Variants in PPP2R2B observed in about 807,000 individuals in gnomAD.
PPP2R2B encodes the protein serine/threonine-protein phosphatase 2A 55 kDa regulatory subunit B beta isoform.
PPP2R2B carries 5 observed loss-of-function variants against 46.0 expected under a neutral mutation model. That is an observed-to-expected ratio of 0.11 (90% CI 0.06 to 0.23). The LOEUF is 0.23. Among genes scored for constraint, PPP2R2B ranks in the 10% least tolerant of loss-of-function variants. PPP2R2B has a pLI of 1.00. For missense variants in PPP2R2B, 367 were observed against 575.0 expected, an observed-to-expected ratio of 0.64 and a Z score of 3.70; for synonymous variants, 215 against 206.7, an observed-to-expected ratio of 1.04 and a Z score of -0.34.
At chr5:146,618,775 G>A (rs1456238224) in intron 7 of PPP2R2B, among the ~76,000 whole-genome samples, 1 of 152,142 alleles carries the variant, frequency 6.6e-6, no homozygotes, top group African/African-American at 2.4e-5. Flanking sequence ...TGCTGGTGCT[G>A]TACACCCATA....
At chr5:146,967,365 A>T (rs1582514858) in intron 1 of PPP2R2B, among the ~76,000 whole-genome samples, 2 of 152,176 alleles carry the variant, frequency 1.3e-5, no homozygotes, top group South Asian at 2.1e-4. Flanking sequence ...TGAAGATTTT[A>T]TTATGTGCCA....
At chr5:146,943,216 G>A (rs1582471001) in intron 1 of PPP2R2B, among the ~76,000 whole-genome samples, 1 of 152,118 alleles carries the variant, frequency 6.6e-6, no homozygotes, top group Non-Finnish European at 1.5e-5. Context: ...ATTGAACTGA[G>A]TTTTATTTCT....
At chr5:146,832,569 T>C (rs1309012559) in intron 2 of PPP2R2B, among the ~76,000 whole-genome samples, 1 of 151,854 alleles carries the variant, frequency 6.6e-6, no homozygotes, top group Non-Finnish European at 1.5e-5. Flanking sequence ...TTTTTTTGTA[T>C]TTTTAGTAGA....
At chr5:146,873,199 C>T (rs1239161245) in intron 2 of PPP2R2B, among the ~76,000 whole-genome samples, 1 of 152,176 alleles carries the variant, frequency 6.6e-6, no homozygotes, top group Non-Finnish European at 1.5e-5. Context: ...CATCTGCACC[C>T]AATCATAGTA....
intron 2 of PPP2R2B, among the ~76,000 whole-genome samples, chr5:146,776,993 A>G (rs1436492618): frequency 6.6e-6 from 1 of 152,140 alleles, no homozygotes; most frequent in Non-Finnish European, 1.5e-5. Flanking sequence ...AAAAAGGAAA[A>G]TAAGTATTGT....
chr5:146,698,351 T>TATATATAC (rs1561841643), intron 3 of PPP2R2B, among the ~76,000 whole-genome samples: 1 of 103,010 alleles, frequency 9.7e-6, no homozygotes, highest in Non-Finnish European at 1.9e-5. Context: ...TATATATATA[T>TATATATAC]ACACACACAT....
At chr5:146,625,876 GA>G (rs1284564248) in intron 7 of PPP2R2B, among the ~76,000 whole-genome samples, 3 of 152,170 alleles carry the variant, frequency 2.0e-5, no homozygotes, top group Non-Finnish European at 1.5e-5. Flanking sequence ...AAGTGGAAGA[GA>G]GAGGCAGGAG....
chr5:146,605,386 C>T (rs1475071240), intron 7 of PPP2R2B, among the ~76,000 whole-genome samples: 1 of 152,204 alleles, frequency 6.6e-6, no homozygotes. Flanking sequence ...ATTCCACTGG[C>T]TTTTCCATTT....
intron 1 of PPP2R2B, chr5:146,922,603 A>G (rs1305773982): frequency 1.3e-5 from 2 of 152,212 alleles, no homozygotes; most frequent in Non-Finnish European, 2.9e-5. Context: ...TAATGGTGGG[A>G]TAATAGGCTT....
chr5:146,633,433 G>A (rs956779502), intron 7 of PPP2R2B, among the ~76,000 whole-genome samples: 1 of 152,234 alleles, frequency 6.6e-6, no homozygotes, highest in Non-Finnish European at 1.5e-5. Context: ...AAATCAATAT[G>A]AAATGTCAGG....
At chr5:147,066,678 A>G (rs531019459) in intron 2 of PPP2R2B, among the ~76,000 whole-genome samples, 22 of 152,336 alleles carry the variant, frequency 1.4e-4, no homozygotes, top group African/African-American at 5.1e-4. Flanking sequence ...GTATTAGACA[A>G]ATAAGAAAGA....
chr5:146,638,167 A>T, intron 7 of PPP2R2B, 84 bp downstream of exon 7: 1 of 1,407,728 alleles, frequency 7.1e-7, no homozygotes, highest in South Asian at 1.4e-5. Context: ...TGGTGTAGAA[A>T]GGGAGATCAT....
chr5:146,828,656 G>T (rs1215078741), intron 2 of PPP2R2B, among the ~76,000 whole-genome samples: 1 of 152,128 alleles, frequency 6.6e-6, no homozygotes, highest in East Asian at 1.9e-4. Context: ...TGGACAAAAA[G>T]GATGATCTTT....
chr5:146,935,230 G>T (rs554380901), intron 1 of PPP2R2B, among the ~76,000 whole-genome samples: 1 of 152,276 alleles, frequency 6.6e-6, no homozygotes, highest in African/African-American at 2.4e-5. Context: ...AATGGAATTA[G>T]TGCCATTATG....
intron 4 of PPP2R2B, 50 bp from the exon 5 acceptor site, chr5:146,691,290 A>T (rs1440686529): frequency 1.3e-6 from 2 of 1,528,378 alleles, no homozygotes; most frequent in African/African-American, 2.7e-5. Flanking sequence ...AAGCAAGCTC[A>T]TAAGGGAGTT....
intron 6 of PPP2R2B, among the ~76,000 whole-genome samples, chr5:146,649,664 G>T (rs996971855): frequency 2.6e-5 from 4 of 152,028 alleles, no homozygotes; most frequent in Admixed American, 2.6e-4. Flanking sequence ...TGGCTAAGCT[G>T]GTCTTAAACC....
intron 3 of PPP2R2B, among the ~76,000 whole-genome samples, 154 bp from the exon 4 acceptor site, chr5:146,698,298 G>GAAAAAAAA (rs779839513): frequency 6.9e-5 from 1 of 14,498 alleles, no homozygotes; most frequent in Non-Finnish European, 1.1e-4. Flanking sequence ...TAGCACCTCT[G>GAAAAAAAA]AAAAAAAAAA....
chr5:147,049,945 A>G (rs1276879042), intron 1 of PPP2R2B, among the ~76,000 whole-genome samples: 2 of 152,142 alleles, frequency 1.3e-5, no homozygotes, highest in Non-Finnish European at 2.9e-5. Flanking sequence ...GAAGGAAGAT[A>G]CAGGCTCATG....
At chr5:146,816,930 C>G (rs1376852098) in intron 2 of PPP2R2B, among the ~76,000 whole-genome samples, 1 of 152,172 alleles carries the variant, frequency 6.6e-6, no homozygotes, top group African/African-American at 2.4e-5. Context: ...TTAAACTAGA[C>G]AGATTTCTAT....
Sources: gnomAD v4.1 joint callset for allele counts (sites outside exome capture counted in the v4.1 genomes callset) on GRCh38, gnomAD v4.1.1 for gene constraint, MANE v1.5 for transcripts, NCBI Gene and HGNC (gene_info 2026-07-23, HGNC 2026-07-21) for gene names.